PRMT7: variants seen among roughly 807,000 people sequenced by gnomAD.
PRMT7 encodes protein arginine N-methyltransferase 7.
In PRMT7, 75 loss-of-function variants were observed where a neutral mutation model predicts 85.4. The observed-to-expected ratio is 0.88, with a 90% CI of 0.73 to 1.06. The LOEUF is 1.06. Among genes scored for constraint, PRMT7 ranks in the 50% least tolerant of loss-of-function variants. The probability of loss-of-function intolerance (pLI) is 0.00; values close to 1 mark genes in which losing one functional copy is unlikely to be tolerated. For synonymous variants in PRMT7, 397 were observed against 359.5 expected, an observed-to-expected ratio of 1.10 and a Z score of -1.18; for missense variants, 868 against 915.2, an observed-to-expected ratio of 0.95 and a Z score of 0.67.
At chr16:68,347,833 C>T (rs1285707819) in intron 13 of PRMT7, among the ~76,000 whole-genome samples, 155 bp downstream of exon 13, 1 of 152,184 alleles carries the variant, frequency 6.6e-6, no homozygotes, top group East Asian at 1.9e-4. Flanking sequence ...AGCCAGAGGC[C>T]TTGGGAGCTG....
intron 6 of PRMT7, among the ~76,000 whole-genome samples, chr16:68,332,083 A>G (rs2083987370): frequency 6.6e-6 from 1 of 152,142 alleles, no homozygotes; most frequent in Non-Finnish European, 1.5e-5. Context: ...TTTGGCATGC[A>G]GTTGGGTTAC....
Position 68,352,254 on chromosome 16 carries a change from C to G in PRMT7, c.1420C>G (p.Leu474Val), listed in dbSNP as rs1179239735. 6.2e-7 allele frequency: 1 copy of G among 1,613,154 alleles called. No homozygotes were observed. Among genetic ancestry groups the G allele is most frequent in the Non-Finnish European group, 8.5e-7 (1 of 1,179,892 alleles). ...NEDLQGRKVS[L>V]LLGEPFFTTS... ...CTTCTCGCCCATTCACCAGGTCTCT[C>G]TCCTCCTGGGCGAGCCGTTCTTCAC... The change falls in exon 15 of 19, where the codon CTC becomes GTC. Residue 474 changes from leucine (L) to valine (V), a missense_variant. Leu to Val is a conservative substitution (Grantham distance 32). Transcript: ENST00000441236.
Position 68,311,027 on chromosome 16 carries a change from G to A in PRMT7, c.-291G>A. The A allele has an allele frequency of 9.1e-7, 1 of 1,095,020 alleles. No homozygotes were observed. The highest frequency in any genetic ancestry group is 1.3e-6 in the Non-Finnish European group (1 of 745,110). The allele number at this position is 1,095,020 out of a possible 1,614,324, so 67.8% of individuals were successfully genotyped here. On this transcript the variant is annotated 5_prime_UTR_variant, in exon 1 of 19. Transcript: ENST00000441236. The stretch of plus-strand genomic sequence containing the variant: ...CCCCCAGCACGCTCCTCGACGCTGC[G>A]AGGTCCCGCCCCGCGTGCTGGCCGC...
At chr16:68,326,499 G>A (rs1420776043) in intron 5 of PRMT7, among the ~76,000 whole-genome samples, 1 of 152,134 alleles carries the variant, frequency 6.6e-6, no homozygotes, top group Non-Finnish European at 1.5e-5. Context: ...CCCCACCTCA[G>A]CCTCCCAAAG....
At chr16:68,342,055 A>T (rs953669565) in intron 9 of PRMT7, among the ~76,000 whole-genome samples, 2 of 152,134 alleles carry the variant, frequency 1.3e-5, no homozygotes, top group African/African-American at 4.8e-5. Context: ...AGGTGGGTGG[A>T]TCATTTGAGG....
At chr16:68,349,144 G>C (rs7197653) in intron 14 of PRMT7, among the ~76,000 whole-genome samples, 29,168 of 152,018 alleles carry the variant, frequency 0.19, 3,327 homozygotes, top group African/African-American at 0.31. Flanking sequence ...CGGTCTCCCT[G>C]CAGGCTTCAT....
Position 68,339,897 on chromosome 16 carries a change from A to G in PRMT7, c.856A>G (p.Met286Val), listed in dbSNP as rs1356736983. The G allele has an allele frequency of 1.9e-6, 3 of 1,614,206 alleles. No individual in the cohort carries two copies. The highest frequency in any genetic ancestry group is 1.7e-6 in the Non-Finnish European group (2 of 1,180,038). ...GGTTCTCTCGTGGTGGGACATTGAA[A>G]TGGACCCTGAGGGGAAGATCAAGTG... ...QVVLSWWDIE[M>V]DPEGKIKCTM... The change falls in exon 9 of 19, where the codon ATG (methionine) becomes GTG (valine). Residue 286 changes from methionine (M) to valine (V), a missense_variant. Transcript: ENST00000441236.
chr16:68,312,393 C>T (rs1034654174), intron 2 of PRMT7, among the ~76,000 whole-genome samples: 3 of 151,742 alleles, frequency 2.0e-5, no homozygotes, highest in Non-Finnish European at 4.4e-5. Context: ...CCACCGCGCC[C>T]GGCTAATTTT....
rs766067047 is a variant in PRMT7 at position 68,353,583 on chromosome 16, T to A, written c.1650+17T>A. On this transcript the variant is annotated intron_variant, in intron 16 of 18. Transcript: ENST00000441236. ...ATGATTAAGGTAGGCAGGGCCACAC[T>A]CTGCATAGTACCCCCGACCTGCTCC... The A allele has an allele frequency of 3.2e-6, 5 of 1,556,662 alleles. No homozygotes were observed. Among genetic ancestry groups the A allele is most frequent in the Non-Finnish European group, 3.5e-6 (4 of 1,149,954 alleles).
chr16:68,355,717 T>C lies in PRMT7; in HGVS notation c.1651-6T>C. The C allele has an allele frequency of 6.3e-7, 1 of 1,575,108 alleles. No homozygotes were observed. Among genetic ancestry groups the C allele is most frequent in the Non-Finnish European group, 8.6e-7 (1 of 1,156,606 alleles). On this transcript the variant is annotated splice_region_variant and splice_polypyrimidine_tract_variant and intron_variant, in intron 16 of 18. Coordinates refer to ENST00000441236, the MANE Select transcript of PRMT7 (RefSeq NM_019023.5). ...CTGCAGCCCCCAGGCCCCCTTCTGT[T>C]CGCAGCGTGCCCTGGACTTCAGGGA...
intron 15 of PRMT7, 101 bp from the exon 16 acceptor site, chr16:68,353,391 T>A (rs780134552): frequency 1.3e-6 from 2 of 1,575,862 alleles, no homozygotes; most frequent in Non-Finnish European, 1.7e-6. Context: ...GGGGTCTCTT[T>A]CAGGTGTGCA....
intron 5 of PRMT7, 164 bp downstream of exon 5, chr16:68,324,996 C>CT (rs2082936607): frequency 1.2e-6 from 1 of 829,664 alleles, no homozygotes; most frequent in South Asian, 1.9e-5. Context: ...GACACAGTTC[C>CT]TTCCTCCAGG....
chr16:68,314,899 G>A (rs2044485480), intron 2 of PRMT7, among the ~76,000 whole-genome samples: 1 of 152,148 alleles, frequency 6.6e-6, no homozygotes, highest in Admixed American at 6.6e-5. Flanking sequence ...TTTTTTAGAT[G>A]ATGGAGGGTT....
At chr16:68,313,037 C>T (rs1166665429) in intron 2 of PRMT7, among the ~76,000 whole-genome samples, 2 of 152,172 alleles carry the variant, frequency 1.3e-5, no homozygotes, top group African/African-American at 4.8e-5. Flanking sequence ...GTTGGCCAGG[C>T]TGGTCTCGAA....
chr16:68,325,999 C>T (rs767736725), intron 5 of PRMT7, among the ~76,000 whole-genome samples: 2 of 151,946 alleles, frequency 1.3e-5, no homozygotes, highest in Non-Finnish European at 1.5e-5. Context: ...CTTGAGCCCA[C>T]AGAGCAAGAA....
At chr16:68,340,083 C>A in intron 9 of PRMT7, 115 bp downstream of exon 9, 1 of 1,187,456 alleles carries the variant, frequency 8.4e-7, no homozygotes, top group South Asian at 1.7e-5. Flanking sequence ...AGGGCTGTGT[C>A]AGAATCAAAG....
intron 17 of PRMT7, 42 bp downstream of exon 17, chr16:68,355,925 T>C: frequency 6.0e-6 from 9 of 1,509,246 alleles, no homozygotes; most frequent in Non-Finnish European, 7.1e-6. Flanking sequence ...GGGCTGCTGC[T>C]TGCCCTTGGA....
intron 6 of PRMT7, among the ~76,000 whole-genome samples, chr16:68,333,913 C>T (rs989258903): frequency 6.6e-6 from 1 of 152,148 alleles, no homozygotes; most frequent in Non-Finnish European, 1.5e-5. Flanking sequence ...GCTGATATTA[C>T]AGGCATGCAC....
At chr16:68,344,098 G>C (rs370942219) in intron 9 of PRMT7, among the ~76,000 whole-genome samples, 1 of 152,224 alleles carries the variant, frequency 6.6e-6, no homozygotes, top group Admixed American at 6.5e-5. Context: ...CTCCTGAGTA[G>C]CTGGGACTAC....
Sources: gnomAD v4.1 joint callset for allele counts (sites outside exome capture counted in the v4.1 genomes callset) on GRCh38, gnomAD v4.1.1 for gene constraint, MANE v1.5 for transcripts, NCBI Gene and HGNC (gene_info 2026-07-23, HGNC 2026-07-21) for gene names.